Variants in SLC12A2 observed in about 807,000 individuals in gnomAD.
SLC12A2 encodes Na-K-2Cl cotransporter 1.
Under a neutral mutation model 136.3 loss-of-function variants are expected in SLC12A2, and 67 were observed. That is an observed-to-expected ratio of 0.49 (90% confidence interval 0.40 to 0.60). SLC12A2 has a LOEUF of 0.60. Among genes scored for constraint, SLC12A2 ranks in the 20% least tolerant of loss-of-function variants. The probability of loss-of-function intolerance (pLI) is 0.00; values close to 1 mark genes in which losing one functional copy is unlikely to be tolerated. For synonymous variants in SLC12A2, 619 were observed against 562.9 expected, an observed-to-expected ratio of 1.10 and a Z score of -1.41; for missense variants, 1,322 against 1,534.7, an observed-to-expected ratio of 0.86 and a Z score of 2.32.
rs1267174542 is a variant in SLC12A2 at position 128,171,763 on chromosome 5, A to G, written c.2803+17A>G. On this transcript the variant is annotated intron_variant, in intron 19 of 26. Transcript: ENST00000262461. ...AAGGACAAGGTAAATTTTGTTGGCA[A>G]TAAGTTTTTTATTTACAAAAATATA... is the stretch of plus-strand genomic sequence containing the variant. 2 of 1,484,218 alleles carry G rather than the reference A, an allele frequency of 1.3e-6. No homozygotes were observed. The highest frequency in any genetic ancestry group is 1.8e-6 in the Non-Finnish European group (2 of 1,093,252). 91.9% of individuals were successfully genotyped at this position (1,484,218 alleles called of 1,614,324 possible). A position where few individuals can be genotyped will look rare whatever the true frequency, so the allele number is the denominator to read the frequency against.
At chr5:128,164,479 T>G (rs1225594263) in intron 17 of SLC12A2, among the ~76,000 whole-genome samples, 1 of 152,208 alleles carries the variant, frequency 6.6e-6, no homozygotes, top group Non-Finnish European at 1.5e-5. Flanking sequence ...TCTGAGGAAC[T>G]ATATGAAATA....
chr5:128,093,097 G>T (rs7713860), intron 1 of SLC12A2, among the ~76,000 whole-genome samples: 52,151 of 151,898 alleles, frequency 0.34, 11,454 homozygotes, highest in African/African-American at 0.62. Flanking sequence ...AGTCACAAGT[G>T]ATCTCCATTC....
intron 1 of SLC12A2, chr5:128,109,744 G>T: frequency 9.4e-7 from 1 of 1,058,272 alleles, no homozygotes; most frequent in Non-Finnish European, 1.5e-6. Context: ...TTGGAGTCCA[G>T]GTTTTAGACT....
intron 10 of SLC12A2, among the ~76,000 whole-genome samples, chr5:128,143,372 T>C (rs891843261): frequency 1.3e-5 from 2 of 152,162 alleles, no homozygotes; most frequent in African/African-American, 2.4e-5. Context: ...ATTTAACATT[T>C]AACAACAGAA....
rs758241935 is a variant in SLC12A2 at position 128,186,488 on chromosome 5, G to C, written c.3504-8G>C. On this transcript the variant is annotated splice_polypyrimidine_tract_variant and splice_region_variant and intron_variant, in intron 26 of 26. Coordinates refer to ENST00000262461, the MANE Select transcript of SLC12A2 (RefSeq NM_001046.3). ...TTTTTTTTTTTCTTTTTCTCTTTTTGATACCAGGAGTCTCCCAGTTGCACG... is the reference window on the plus strand; with the variant it reads ...TTTTTTTTTTTCTTTTTCTCTTTTTCATACCAGGAGTCTCCCAGTTGCACG... 7.4e-7 allele frequency: 1 copy of C among 1,359,274 alleles called. No homozygotes were observed. Among genetic ancestry groups the C allele is most frequent in the Non-Finnish European group, 9.6e-7 (1 of 1,038,956 alleles). 84.2% of individuals were successfully genotyped at this position (1,359,274 alleles called of 1,614,324 possible).
At chr5:128,131,703 C>T (rs937356267) in intron 5 of SLC12A2, among the ~76,000 whole-genome samples, 1 of 150,032 alleles carries the variant, frequency 6.7e-6, no homozygotes, top group Non-Finnish European at 1.5e-5. Context: ...GACTCCGTCT[C>T]GGAAAAATAA....
chr5:128,152,620 C>G, intron 14 of SLC12A2, 86 bp from the exon 15 acceptor site: 1 of 833,350 alleles, frequency 1.2e-6, no homozygotes, highest in Non-Finnish European at 2.1e-6. Flanking sequence ...AATGTGAAAG[C>G]ATGTTTAATT....
Position 128,186,807 on chromosome 5 carries a change from G to A in SLC12A2, c.*176G>A, listed in dbSNP as rs547509906. On this transcript the variant is annotated 3_prime_UTR_variant, in exon 27 of 27. Transcript: ENST00000262461. ...CATTGATAACGTGTATGGAGACTTC[G>A]GTTTTAGTCAATTCCATATCTCAAT... 1.5e-5 allele frequency: 8 copies of A among 526,162 alleles called. No homozygotes were observed. Among genetic ancestry groups the A allele is most frequent in the South Asian group, 4.2e-5 (1 of 23,758 alleles). The allele number at this position is 526,162 out of a possible 1,614,324, so 32.6% of individuals were successfully genotyped here.
At chr5:128,114,454 T>C in intron 3 of SLC12A2, 132 bp from the exon 4 acceptor site, 1 of 830,494 alleles carries the variant, frequency 1.2e-6, no homozygotes, top group Admixed American at 2.6e-5. Context: ...TTGGTTTTTA[T>C]AAAATGAGAT....
At chr5:128,099,337 A>G (rs1760661983) in intron 1 of SLC12A2, among the ~76,000 whole-genome samples, 1 of 152,198 alleles carries the variant, frequency 6.6e-6, no homozygotes, top group South Asian at 2.1e-4. Context: ...TAAAAATACA[A>G]TATAAAAGAT....
chr5:128,096,630 A>T (rs1454315800), intron 1 of SLC12A2, among the ~76,000 whole-genome samples: 2 of 152,186 alleles, frequency 1.3e-5, no homozygotes, highest in African/African-American at 4.8e-5. Context: ...TAAAAGAGAA[A>T]TGTTTTCTGG....
intron 4 of SLC12A2, among the ~76,000 whole-genome samples, chr5:128,115,937 C>T (rs1298301849): frequency 6.6e-6 from 1 of 152,188 alleles, no homozygotes; most frequent in Non-Finnish European, 1.5e-5. Context: ...CTATGCTGAG[C>T]ATTCATCACT....
At chr5:128,142,047 A>G (rs982729399) in intron 10 of SLC12A2, 66 bp downstream of exon 10, 59 of 1,323,512 alleles carry the variant, frequency 4.5e-5, no homozygotes, top group African/African-American at 2.6e-4. Context: ...ACTATCAAAT[A>G]TGACCATTCA....
intron 4 of SLC12A2, among the ~76,000 whole-genome samples, chr5:128,121,999 C>T (rs932393795): frequency 6.6e-6 from 1 of 152,124 alleles, no homozygotes; most frequent in African/African-American, 2.4e-5. Flanking sequence ...TAGACTCATT[C>T]ATAGAATAGA....
At chr5:128,110,513 A>G (rs1481140450) in intron 1 of SLC12A2, 34 of 1,434,660 alleles carry the variant, frequency 2.4e-5, no homozygotes, top group Non-Finnish European at 2.9e-5. Flanking sequence ...TTTAAACATG[A>G]TGAAAACCTG....
intron 18 of SLC12A2, chr5:128,169,055 T>A (rs540332406): frequency 6.6e-4 from 100 of 152,318 alleles, no homozygotes; most frequent in African/African-American, 2.2e-3. Flanking sequence ...TTCTTCTTAA[T>A]CTTGAAAAGT....
intron 1 of SLC12A2, among the ~76,000 whole-genome samples, chr5:128,088,826 G>T (rs1760200120): frequency 6.6e-6 from 1 of 152,106 alleles, no homozygotes; most frequent in African/African-American, 2.4e-5. Flanking sequence ...TAATTCCTAA[G>T]AAATAGGTCT....
intron 7 of SLC12A2, 115 bp from the exon 8 acceptor site, chr5:128,138,482 T>C: frequency 1.1e-6 from 1 of 880,762 alleles, no homozygotes; most frequent in East Asian, 2.5e-5. Context: ...AAAAATTTAC[T>C]CGTTACTTTA....
At chr5:128,156,681 A>G (rs1762879843) in intron 15 of SLC12A2, among the ~76,000 whole-genome samples, 2 of 152,354 alleles carry the variant, frequency 1.3e-5, no homozygotes, top group African/African-American at 4.8e-5. Context: ...CAGATGTTTC[A>G]TAGCAGGTAA....
Sources: allele counts gnomAD v4.1 joint callset (sites outside exome capture counted in the v4.1 genomes callset), GRCh38; gene constraint gnomAD v4.1.1; transcripts MANE v1.5; gene names NCBI Gene and HGNC (gene_info 2026-07-23, HGNC 2026-07-21).